The following BMF variants were observed in gnomAD, a reference collection of about 807,000 sequenced individuals.
BMF encodes bcl-2-modifying factor.
BMF carries 10 observed loss-of-function variants against 22.0 expected under a neutral mutation model. The ratio of observed to expected loss-of-function variants is 0.45; its 90% confidence interval spans 0.28 to 0.77. The LOEUF is 0.77. Ranked by LOEUF, BMF falls within the 30% of genes least tolerant of loss-of-function variation. The pLI is 0.13. For missense variants in BMF, 206 were observed against 226.8 expected (o/e 0.91, Z 0.59); for synonymous variants, 87 against 88.1 (o/e 0.99, Z 0.07).
chr15:40,090,482 G>A lies in BMF; in HGVS notation c.*1305C>T, dbSNP rs947192458. 6.6e-6 allele frequency: 1 copy of A among 152,604 alleles called. No homozygotes were observed. The highest frequency in any genetic ancestry group is 1.5e-5 in the Non-Finnish European group (1 of 68,044). 9.5% of individuals were successfully genotyped at this position (152,604 alleles called of 1,614,324 possible). A position where few individuals can be genotyped will look rare whatever the true frequency, so the allele number is the denominator to read the frequency against. ...TAACAGATTCCCTGTGCCTGCTATC[G>A]GAGCTGCCACACCGGCTGCTTTAGA... On this transcript the variant is annotated 3_prime_UTR_variant, in exon 5 of 5. Transcript: ENST00000354670.
intron 4 of BMF, among the ~76,000 whole-genome samples, chr15:40,092,372 G>A (rs1241277341): frequency 6.6e-6 from 1 of 152,130 alleles, no homozygotes; most frequent in East Asian, 1.9e-4. Flanking sequence ...GAAGGTCAAA[G>A]GGTTAATCTT....
rs766172511 is a variant in BMF, at chr15:40,104,337, T to G, written c.296A>C (p.Asn99Thr). The G allele has an allele frequency of 6.2e-7, 1 of 1,614,072 alleles. No individual in the cohort carries two copies. The highest frequency in any genetic ancestry group is 8.5e-7 in the Non-Finnish European group (1 of 1,179,988). The change falls in exon 4 of 5, where the codon AAT becomes ACT. Residue 99 changes from asparagine (N) to threonine (T), a missense_variant. By Grantham distance (65) the Asn-to-Thr change is moderately conservative. Coordinates refer to ENST00000354670, the MANE Select transcript of BMF (RefSeq NM_001003940.2). ...TEEPQRLFYGNAGYRLPLPAS... is the reference protein window; with the variant it reads ...TEEPQRLFYGTAGYRLPLPAS... ...AGGGAGAGGAAGCCGATAGCCAGCA[T>G]TGCCTGCAAAGATAGAGGATCCACA... is the stretch of plus-strand genomic sequence containing the variant.
rs1390413303 is a variant in BMF at position 40,088,903 on chromosome 15, G to T, written c.*2884C>A. The T allele has an allele frequency of 6.6e-6, 1 of 152,634 alleles. No homozygotes were observed. Among genetic ancestry groups the T allele is most frequent in the Non-Finnish European group, 1.5e-5 (1 of 68,096 alleles). The allele number at this position is 152,634 out of a possible 1,614,324, so 9.5% of individuals were successfully genotyped here. A position where few individuals can be genotyped will look rare whatever the true frequency, so the allele number is the denominator to read the frequency against. Reference sequence around the variant, plus strand: ...GCAGGAGTCCAGCGTCTGGCCTGGGGACTTCCCTCACCAGATCTGTTGACC... The same window carrying T: ...GCAGGAGTCCAGCGTCTGGCCTGGGTACTTCCCTCACCAGATCTGTTGACC... On this transcript the variant is annotated 3_prime_UTR_variant, in exon 5 of 5. Coordinates refer to ENST00000354670, the MANE Select transcript of BMF (RefSeq NM_001003940.2).
rs1367690754 is a variant in BMF at position 40,108,748 on chromosome 15, CCCCGGCGG to C, written c.-134+17_-134+24del. 1 of 153,308 alleles carries C rather than the reference CCCCGGCGG, an allele frequency of 6.5e-6. No homozygotes were observed. The highest frequency in any genetic ancestry group is 1.9e-4 in the East Asian group (1 of 5,210). The allele number at this position is 153,308 out of a possible 1,614,324, so 9.5% of individuals were successfully genotyped here. A position where few individuals can be genotyped will look rare whatever the true frequency, so the allele number is the denominator to read the frequency against. ...GAGCTGCGATCCAACTCCGCCCGGC[CCCCGGCGG>C]CCACCCGGGCGCTCACCGGGCTGCG... is the stretch of plus-strand genomic sequence containing the variant. On this transcript the variant is annotated intron_variant, in intron 1 of 4. Coordinates refer to ENST00000354670, the MANE Select transcript of BMF (RefSeq NM_001003940.2).
At chr15:40,092,291 C>T (rs591402) in intron 4 of BMF, among the ~76,000 whole-genome samples, 3 of 152,128 alleles carry the variant, frequency 2.0e-5, no homozygotes, top group South Asian at 2.1e-4. Context: ...CCCCTCTCTC[C>T]CCCGACTCCA....
At chr15:40,092,068 G>A (rs1214166761) in intron 4 of BMF, among the ~76,000 whole-genome samples, 180 bp from the exon 5 acceptor site, 1 of 152,196 alleles carries the variant, frequency 6.6e-6, no homozygotes, top group Non-Finnish European at 1.5e-5. Flanking sequence ...GTGGAGGAGA[G>A]AGTTGAGTTC....
chr15:40,103,308 G>A (rs1275701537), intron 4 of BMF, among the ~76,000 whole-genome samples: 2 of 152,216 alleles, frequency 1.3e-5, no homozygotes, highest in Non-Finnish European at 1.5e-5. Flanking sequence ...CTTCAGCTGT[G>A]GCTGTACCAG....
Position 40,089,898 on chromosome 15 carries a change from T to A in BMF, c.*1889A>T, listed in dbSNP as rs2036202060. On this transcript the variant is annotated 3_prime_UTR_variant, in exon 5 of 5. Coordinates refer to ENST00000354670, the MANE Select transcript of BMF (RefSeq NM_001003940.2). ...TCAAGCTGGTCCCCGGCTCCTTCTC[T>A]GCAAAGCAGGAACCCGTCTTCTTAG... 1 of 152,660 alleles carries A rather than the reference T, an allele frequency of 6.6e-6. No individual in the cohort carries two copies. Among genetic ancestry groups the A allele is most frequent in the African/African-American group, 2.4e-5 (1 of 41,468 alleles). The allele number at this position is 152,660 out of a possible 1,614,324, so 9.5% of individuals were successfully genotyped here.
At chr15:40,107,753 A>C (rs1467937930) in intron 2 of BMF, among the ~76,000 whole-genome samples, 1 of 152,032 alleles carries the variant, frequency 6.6e-6, no homozygotes, top group Non-Finnish European at 1.5e-5. Context: ...AAAGCCAATC[A>C]CCAGCACGAG....
chr15:40,101,860 G>A (rs1323698577), intron 4 of BMF, among the ~76,000 whole-genome samples: 1 of 152,156 alleles, frequency 6.6e-6, no homozygotes, highest in Non-Finnish European at 1.5e-5. Flanking sequence ...TGGAAAATTT[G>A]GGAAAACCAG....
chr15:40,097,180 TGAGCTAC>T (rs2036379866), intron 4 of BMF, among the ~76,000 whole-genome samples: 2 of 1,564 alleles, frequency 1.3e-3, no homozygotes, highest in Non-Finnish European at 3.0e-3. Flanking sequence ...AGCACCCAAC[TGAGCTAC>T]CAAGCACCCA....
intron 4 of BMF, among the ~76,000 whole-genome samples, chr15:40,096,157 T>C (rs1255905575): frequency 1.4e-5 from 2 of 145,596 alleles, no homozygotes; most frequent in African/African-American, 5.4e-5. Context: ...GGCCTCCTTT[T>C]TTTTTTTTTT....
At chr15:40,102,887 A>G (rs1473511822) in intron 4 of BMF, among the ~76,000 whole-genome samples, 1 of 152,188 alleles carries the variant, frequency 6.6e-6, no homozygotes, top group African/African-American at 2.4e-5. Flanking sequence ...GAGAGTAAGA[A>G]CTGGAGCTTA....
chr15:40,091,889 C>A lies in BMF; in HGVS notation c.454-1G>T. On this transcript the variant is annotated splice_acceptor_variant, in intron 4 of 4. Transcript: ENST00000354670. LOFTEE classifies it high-confidence loss of function. Reference sequence around the variant, plus strand: ...ACACACGATTTTGGTTCTGCTGGTGCTGAAGGGAGAAAAAAAAAAAAGACC... The same window carrying A: ...ACACACGATTTTGGTTCTGCTGGTGATGAAGGGAGAAAAAAAAAAAAGACC... The A allele has an allele frequency of 6.3e-7, 1 of 1,591,298 alleles. No homozygotes were observed. The highest frequency in any genetic ancestry group is 8.6e-7 in the Non-Finnish European group (1 of 1,168,000).
chr15:40,092,814 A>C (rs559695838), intron 4 of BMF, among the ~76,000 whole-genome samples: 134 of 151,938 alleles, frequency 8.8e-4, no homozygotes, highest in African/African-American at 3.1e-3. Flanking sequence ...GGGTGCTGGA[A>C]GAGGCGGTCT....
At chr15:40,096,393 C>T (rs2036362444) in intron 4 of BMF, among the ~76,000 whole-genome samples, 1 of 152,128 alleles carries the variant, frequency 6.6e-6, no homozygotes, top group Non-Finnish European at 1.5e-5. Flanking sequence ...AGCTAATTCA[C>T]CCCAAAGTAT....
chr15:40,107,023 A>G (rs2036601997), intron 2 of BMF, among the ~76,000 whole-genome samples: 1 of 152,196 alleles, frequency 6.6e-6, no homozygotes, highest in African/African-American at 2.4e-5. Flanking sequence ...CTCACTGCCT[A>G]TACTGCTGAA....
chr15:40,108,867 T>C lies in BMF; in HGVS notation c.-228A>G, dbSNP rs1234917510. On this transcript the variant is annotated 5_prime_UTR_variant, in exon 1 of 5. Coordinates refer to ENST00000354670, the MANE Select transcript of BMF (RefSeq NM_001003940.2). ...GGAGGCCACTCCGCACGGTGCGGTA[T>C]TGTTTCCAAAATACGCCTGCTCGGG... is the stretch of plus-strand genomic sequence containing the variant. The C allele has an allele frequency of 1.3e-5, 2 of 153,142 alleles. No homozygotes were observed. The highest frequency in any genetic ancestry group is 2.9e-5 in the Non-Finnish European group (2 of 68,160). The allele number at this position is 153,142 out of a possible 1,614,324, so 9.5% of individuals were successfully genotyped here.
At chr15:40,096,153 CTT>C (rs532459310) in intron 4 of BMF, among the ~76,000 whole-genome samples, 11 of 115,086 alleles carry the variant, frequency 9.6e-5, no homozygotes, top group African/African-American at 1.0e-4. Context: ...AAAAGGCCTC[CTT>C]TTTTTTTTTT....
Sources: allele counts gnomAD v4.1 joint callset (sites outside exome capture counted in the v4.1 genomes callset), GRCh38; gene constraint gnomAD v4.1.1; transcripts MANE v1.5; gene names NCBI Gene and HGNC (gene_info 2026-07-23, HGNC 2026-07-21).